VPS13C: variants seen among roughly 807,000 people sequenced by gnomAD.
VPS13C encodes the protein vacuolar protein sorting 13 homolog C, also known as intermembrane lipid transfer protein VPS13C.
A neutral mutation model predicts 456.8 loss-of-function variants in VPS13C; 358 were observed. The ratio of observed to expected loss-of-function variants is 0.78; its 90% CI spans 0.72 to 0.86. The LOEUF (loss-of-function observed/expected upper bound fraction) is 0.86, where lower values mean the gene tolerates loss of function less well. Among genes scored for constraint, VPS13C ranks in the 40% least tolerant of loss-of-function variants. The probability of loss-of-function intolerance (pLI) is 0.00; values close to 1 mark genes in which losing one functional copy is unlikely to be tolerated. For missense variants in VPS13C, 4,818 were observed against 4,385.4 expected (o/e 1.10, Z -2.79); for synonymous variants, 1,578 against 1,486.7 (o/e 1.06, Z -1.41).
At chr15:61,864,189 T>C (rs963827083) in intron 81 of VPS13C, 1 of 430,770 alleles carries the variant, frequency 2.3e-6, no homozygotes, top group Non-Finnish European at 3.1e-6. Context: ...TCAAATTATA[T>C]TTCTTATAGA....
chr15:62,037,524 A>AAATTTATTATATTGTAAGAATAT (rs1567137651), intron 3 of VPS13C, among the ~76,000 whole-genome samples: 2 of 138,886 alleles, frequency 1.4e-5, no homozygotes, highest in African/African-American at 2.8e-5. Flanking sequence ...AGAATATAAT[A>AAATTTATTATATTGTAAGAATAT]AATAATGCAA....
chr15:61,998,186 A>G (rs1414276508), intron 16 of VPS13C, among the ~76,000 whole-genome samples: 1 of 152,084 alleles, frequency 6.6e-6, no homozygotes, highest in African/African-American at 2.4e-5. Flanking sequence ...TTTCCCTTAG[A>G]TATCTTTCTG....
intron 81 of VPS13C, chr15:61,864,746 C>T: frequency 1.0e-6 from 1 of 985,456 alleles, no homozygotes; most frequent in Non-Finnish European, 1.2e-6. Context: ...GTGCAGATTT[C>T]ACAGCAATAG....
intron 3 of VPS13C, among the ~76,000 whole-genome samples, chr15:62,035,452 G>A (rs534903807): frequency 6.6e-5 from 10 of 151,818 alleles, no homozygotes; most frequent in East Asian, 3.9e-4. Flanking sequence ...GACCAGATTC[G>A]GTGCACAACA....
At chr15:61,875,605 T>A in intron 76 of VPS13C, 127 bp downstream of exon 76, 1 of 673,974 alleles carries the variant, frequency 1.5e-6, no homozygotes, top group Non-Finnish European at 2.5e-6. Context: ...ATAAAATTGA[T>A]ATACTTTTGT....
intron 14 of VPS13C, among the ~76,000 whole-genome samples, chr15:62,008,408 A>C (rs1231041903): frequency 6.6e-6 from 1 of 152,142 alleles, no homozygotes; most frequent in Non-Finnish European, 1.5e-5. Flanking sequence ...CAAAAAAAAA[A>C]AGAATTTGGG....
chr15:61,997,933 T>C (rs2046446412), intron 16 of VPS13C, among the ~76,000 whole-genome samples: 1 of 152,184 alleles, frequency 6.6e-6, no homozygotes, highest in South Asian at 2.1e-4. Flanking sequence ...AAACCTACTA[T>C]TAGTTTCCCA....
At chr15:62,033,318 TA>T (rs112742650) in intron 5 of VPS13C, 122 bp downstream of exon 5, 263 of 512,702 alleles carry the variant, frequency 5.1e-4, no homozygotes, top group Middle Eastern at 1.2e-3. Flanking sequence ...ATTTTGAGAT[TA>T]AAAAAAAATT....
chr15:62,002,171 C>T (rs1274242213), intron 15 of VPS13C, among the ~76,000 whole-genome samples: 3 of 152,206 alleles, frequency 2.0e-5, no homozygotes, highest in Non-Finnish European at 4.4e-5. Context: ...CACATCCTCT[C>T]CAGCACCTGT....
chr15:61,891,806 T>G (rs914004885), intron 66 of VPS13C, among the ~76,000 whole-genome samples: 1 of 152,188 alleles, frequency 6.6e-6, no homozygotes, highest in African/African-American at 2.4e-5. Flanking sequence ...AGAAGCAATG[T>G]GGCTTCACTC....
chr15:62,040,896 C>A (rs942713778), intron 3 of VPS13C, among the ~76,000 whole-genome samples: 10 of 152,114 alleles, frequency 6.6e-5, no homozygotes, highest in Admixed American at 6.5e-4. Flanking sequence ...AACATATCCT[C>A]CATACCACAT....
intron 66 of VPS13C, among the ~76,000 whole-genome samples, chr15:61,901,235 G>T (rs544293979): frequency 8.7e-4 from 132 of 152,164 alleles, no homozygotes; most frequent in African/African-American, 3.1e-3. Flanking sequence ...AAAAGCAATG[G>T]CAACAAAAGA....
chr15:61,912,101 A>T, intron 62 of VPS13C, 97 bp from the exon 63 acceptor site: 1 of 1,079,686 alleles, frequency 9.3e-7, no homozygotes, highest in Non-Finnish European at 1.2e-6. Flanking sequence ...ACAATATTTT[A>T]AAATAATAAT....
intron 59 of VPS13C, 86 bp downstream of exon 59, chr15:61,918,050 A>T: frequency 7.3e-7 from 1 of 1,369,008 alleles, no homozygotes; most frequent in Non-Finnish European, 9.9e-7. Context: ...ACTGATCTTT[A>T]GTTAATAAAA....
chr15:61,892,146 AAG>A (rs2042671275), intron 66 of VPS13C, among the ~76,000 whole-genome samples: 1 of 152,214 alleles, frequency 6.6e-6, no homozygotes, highest in South Asian at 2.1e-4. Context: ...GTGCTTTAGG[AAG>A]AGAAAACCCC....
chr15:62,023,983 T>A (rs1449330884), intron 6 of VPS13C, 138 bp from the exon 7 acceptor site: 5 of 534,592 alleles, frequency 9.4e-6, no homozygotes, highest in African/African-American at 7.6e-5. Context: ...AACTGACCTG[T>A]TACTTCAATA....
intron 45 of VPS13C, among the ~76,000 whole-genome samples, chr15:61,944,609 G>GA (rs1239302752): frequency 1.3e-5 from 2 of 151,914 alleles, no homozygotes; most frequent in Non-Finnish European, 2.9e-5. Flanking sequence ...GTAACATTGG[G>GA]AAAAAAAGAC....
At chr15:61,897,173 G>C (rs2042849176) in intron 66 of VPS13C, among the ~76,000 whole-genome samples, 2 of 152,154 alleles carry the variant, frequency 1.3e-5, no homozygotes, top group South Asian at 4.1e-4. Context: ...AGAAAAACTG[G>C]AAACTCTAAA....
chr15:62,017,597 G>A (rs1270261557), intron 9 of VPS13C, among the ~76,000 whole-genome samples: 1 of 152,162 alleles, frequency 6.6e-6, no homozygotes, highest in African/African-American at 2.4e-5. Context: ...GATAGTTGTA[G>A]ATGTGTGGTA....
Sources: allele counts gnomAD v4.1 joint callset (sites outside exome capture counted in the v4.1 genomes callset), GRCh38; gene constraint gnomAD v4.1.1; transcripts MANE v1.5; gene names NCBI Gene and HGNC (gene_info 2026-07-23, HGNC 2026-07-21).